Variants in TC2N observed in about 807,000 individuals in gnomAD.
TC2N encodes the protein tandem C2 domains, nuclear, also known as tandem C2 domains nuclear protein.
Under a neutral mutation model 61.9 loss-of-function variants are expected in TC2N, and 51 were observed. The ratio of observed to expected loss-of-function variants is 0.82; its 90% CI spans 0.66 to 1.04. The LOEUF (loss-of-function observed/expected upper bound fraction) is 1.04. Ranked by LOEUF, TC2N falls within the 50% of genes least tolerant of loss-of-function variation. The pLI is 0.00. For missense variants in TC2N, 556 were observed against 566.7 expected, an observed-to-expected ratio of 0.98 and a Z score of 0.19; for synonymous variants, 204 against 192.6, an observed-to-expected ratio of 1.06 and a Z score of -0.49.
chr14:91,845,232 A>AAAATAAAT (rs3030732), intron 1 of TC2N, among the ~76,000 whole-genome samples: 16,308 of 146,998 alleles, frequency 0.11, 1,011 homozygotes, highest in Non-Finnish European at 0.14. Context: ...ACTCCATCTC[A>AAAATAAAT]AAATAAATAA....
chr14:91,851,136 T>A (rs1441523482), intron 1 of TC2N, among the ~76,000 whole-genome samples: 1 of 152,140 alleles, frequency 6.6e-6, no homozygotes, highest in African/African-American at 2.4e-5. Flanking sequence ...GCTTGAATCA[T>A]CCCAAAACCA....
intron 1 of TC2N, among the ~76,000 whole-genome samples, chr14:91,864,183 G>A (rs889576990): frequency 1.2e-4 from 18 of 152,192 alleles, no homozygotes; most frequent in African/African-American, 3.4e-4. Flanking sequence ...CAAACATCTC[G>A]CAACTCTAAC....
chr14:91,807,630 C>A (rs546569399), intron 3 of TC2N, among the ~76,000 whole-genome samples: 2 of 152,302 alleles, frequency 1.3e-5, no homozygotes, highest in African/African-American at 4.8e-5. Context: ...TGTCTATACT[C>A]CTATTGTATC....
chr14:91,833,398 T>G (rs1887871709), intron 1 of TC2N, among the ~76,000 whole-genome samples: 1 of 152,188 alleles, frequency 6.6e-6, no homozygotes, highest in Non-Finnish European at 1.5e-5. Context: ...TGTGCCTTTC[T>G]TCTATTCTTT....
intron 2 of TC2N, among the ~76,000 whole-genome samples, chr14:91,813,338 T>C (rs1289770447): frequency 6.6e-6 from 1 of 151,768 alleles, no homozygotes; most frequent in Non-Finnish European, 1.5e-5. Context: ...TCAGAATATG[T>C]TGTCTCCCAA....
chr14:91,801,606 T>C (rs1376717274), intron 4 of TC2N, among the ~76,000 whole-genome samples: 2 of 152,044 alleles, frequency 1.3e-5, no homozygotes, highest in Non-Finnish European at 2.9e-5. Flanking sequence ...GCCTGGGAGG[T>C]TGATGCTGCA....
intron 1 of TC2N, among the ~76,000 whole-genome samples, chr14:91,817,367 T>C (rs1887052282): frequency 6.6e-6 from 1 of 151,956 alleles, no homozygotes; most frequent in Admixed American, 6.6e-5. Context: ...AGTAAAATAC[T>C]CCGTAACCAC....
intron 3 of TC2N, among the ~76,000 whole-genome samples, chr14:91,802,872 C>T (rs915415729): frequency 6.0e-5 from 9 of 150,108 alleles, no homozygotes; most frequent in African/African-American, 2.0e-4. Context: ...TTTCTTACTA[C>T]AATGCAATTA....
chr14:91,814,013 T>C (rs924735423), intron 1 of TC2N, among the ~76,000 whole-genome samples, 188 bp from the exon 2 acceptor site: 1 of 151,550 alleles, frequency 6.6e-6, no homozygotes, highest in East Asian at 1.9e-4. Context: ...ATTAAAATTA[T>C]GTTTAAAAAT....
rs750587345 is a variant in TC2N at position 91,783,200 on chromosome 14, C to T, written c.1373G>A (p.Ser458Asn). The change falls in exon 12 of 12, where the codon AGT becomes AAT. Residue 458 changes from serine to asparagine, a missense_variant. Ser to Asn is a conservative substitution (Grantham distance 46). Transcript: ENST00000435962. ...RKHFVGQIWI[S>N]EDSNNIEAVN... ...TGCTTCAATGTTATTACTGTCTTCA[C>T]TTATCCAAATCTGTAAAGGAAAGTA... The T allele has an allele frequency of 1.2e-5, 19 of 1,595,288 alleles. No individual in the cohort carries two copies. In the Admixed American group the frequency reaches 1.8e-4, roughly 16 times the overall value.
In TC2N at chr14:91,797,132, A is replaced by G. The variant is rs543035065; in HGVS notation, c.855+653T>C. Among the ~76,000 whole-genome samples, 64 of 152,176 alleles carry G rather than the reference A, an allele frequency of 4.2e-4. 1 individual carries two copies. In the South Asian group the frequency reaches 0.012, roughly 30 times the overall value. On this transcript the variant is annotated intron_variant, in intron 8 of 11. Coordinates refer to ENST00000435962, the MANE Select transcript of TC2N (RefSeq NM_001128596.3). ...TGTAAAAGTTTTCCTAATTCTAAGA[A>G]GAAAGCAAAGAAAGAAAGAGGAAGA... is the stretch of plus-strand genomic sequence containing the variant.
At chr14:91,843,891 C>A (rs964996775) in intron 1 of TC2N, among the ~76,000 whole-genome samples, 19 of 151,454 alleles carry the variant, frequency 1.3e-4, no homozygotes, top group Non-Finnish European at 2.5e-4. Flanking sequence ...TATTTTTTTT[C>A]AGACATTCCC....
At chr14:91,828,661 T>C (rs1016515409) in intron 1 of TC2N, among the ~76,000 whole-genome samples, 3 of 152,110 alleles carry the variant, frequency 2.0e-5, no homozygotes, top group African/African-American at 7.2e-5. Flanking sequence ...AGTATTCTGA[T>C]GCTGAAACCA....
chr14:91,850,941 G>GA (rs1323401432), intron 1 of TC2N, among the ~76,000 whole-genome samples: 1 of 151,894 alleles, frequency 6.6e-6, no homozygotes, highest in African/African-American at 2.4e-5. Flanking sequence ...GGAAAAAAAA[G>GA]AAAAAAATAT....
intron 1 of TC2N, among the ~76,000 whole-genome samples, chr14:91,861,438 T>C (rs1888585918): frequency 1.3e-5 from 2 of 152,358 alleles, no homozygotes; most frequent in East Asian, 1.9e-4. Flanking sequence ...TTGTGCTTTG[T>C]CCCTTGGACC....
At chr14:91,821,913 G>C (rs959244117) in intron 1 of TC2N, among the ~76,000 whole-genome samples, 2 of 151,924 alleles carry the variant, frequency 1.3e-5, no homozygotes. Flanking sequence ...GCTCAACACA[G>C]TTAGTGATTA....
intron 1 of TC2N, among the ~76,000 whole-genome samples, chr14:91,863,093 T>C (rs1464673378): frequency 6.6e-6 from 1 of 152,254 alleles, no homozygotes; most frequent in Non-Finnish European, 1.5e-5. Context: ...TTAGAAAGAC[T>C]GGCTGTGTGG....
At position 91,792,565 on chromosome 14, in the gene TC2N, A is replaced by T. The variant is rs1206735415; in HGVS notation, c.856-7T>A. The stretch of plus-strand genomic sequence containing the variant: ...TTTCCATAAATTCAATAGCCTTAAA[A>T]AAAAAACAAGAAAACATAAAATATA... On this transcript the variant is annotated splice_polypyrimidine_tract_variant and splice_region_variant and intron_variant, in intron 8 of 11. Coordinates refer to ENST00000435962, the MANE Select transcript of TC2N (RefSeq NM_001128596.3). 8.4e-6 allele frequency: 12 copies of T among 1,424,024 alleles called. No individual in the cohort carries two copies. The highest frequency in any genetic ancestry group is 1.0e-5 in the Non-Finnish European group (11 of 1,050,352). 88.2% of individuals were successfully genotyped at this position (1,424,024 alleles called of 1,614,324 possible). A position where few individuals can be genotyped will look rare whatever the true frequency, so the allele number is the denominator to read the frequency against.
At chr14:91,831,946 A>G (rs1361688347) in intron 1 of TC2N, among the ~76,000 whole-genome samples, 1 of 152,212 alleles carries the variant, frequency 6.6e-6, no homozygotes, top group Non-Finnish European at 1.5e-5. Context: ...AGAGTCAACT[A>G]TATTCAACTA....
Sources: gnomAD v4.1 joint callset for allele counts (sites outside exome capture counted in the v4.1 genomes callset) on GRCh38, gnomAD v4.1.1 for gene constraint, MANE v1.5 for transcripts, NCBI Gene and HGNC (gene_info 2026-07-23, HGNC 2026-07-21) for gene names.